LSM12: variants seen among roughly 807,000 people sequenced by gnomAD.
LSM12 encodes LSM12 homolog.
For missense variants in LSM12, 108 were observed against 238.9 expected (o/e 0.45, Z 3.61); for synonymous variants, 74 against 87.3 (o/e 0.85, Z 0.85).
intron 3 of LSM12, among the ~76,000 whole-genome samples, chr17:44,039,637 T>C (rs2049463013): frequency 6.6e-6 from 1 of 151,894 alleles, no homozygotes; most frequent in Non-Finnish European, 1.5e-5. Flanking sequence ...TGCCTCGGCC[T>C]CCCAAAGTGC....
Position 44,035,510 on chromosome 17 carries a change from G to A in LSM12, c.*698C>T, listed in dbSNP as rs2049404467. On this transcript the variant is annotated 3_prime_UTR_variant, in exon 5 of 5. Transcript: ENST00000293406. ...GCCTGGCTATGATGGATGGTGGGGA[G>A]GGCAATACATTTTTATTTTCAGAGG... 1 of 151,716 alleles carries A rather than the reference G, an allele frequency of 6.6e-6. No homozygotes were observed. 9.4% of individuals were successfully genotyped at this position (151,716 alleles called of 1,614,324 possible).
intron 2 of LSM12, among the ~76,000 whole-genome samples, chr17:44,058,042 C>G (rs938423089): frequency 2.0e-5 from 3 of 151,732 alleles, no homozygotes; most frequent in African/African-American, 7.3e-5. Context: ...TGAGACCATC[C>G]TAGCTAACAC....
chr17:44,063,667 TAA>T (rs1262597432), intron 2 of LSM12, 132 bp downstream of exon 2: 2 of 1,068,950 alleles, frequency 1.9e-6, no homozygotes, highest in Middle Eastern at 3.3e-4. Flanking sequence ...CTACATTTTT[TAA>T]AAAGATATCA....
chr17:44,043,674 GAAA>G, intron 2 of LSM12, among the ~76,000 whole-genome samples: 1 of 150,130 alleles, frequency 6.7e-6, no homozygotes, highest in East Asian at 2.0e-4. Context: ...AATGCCTTAA[GAAA>G]ATCTGAAGTC....
chr17:44,037,889 C>T (rs1051478717), intron 3 of LSM12, among the ~76,000 whole-genome samples: 1 of 152,196 alleles, frequency 6.6e-6, no homozygotes, highest in Admixed American at 6.5e-5. Flanking sequence ...GGTCTTGTAA[C>T]AAACATTTTA....
chr17:44,052,481 G>C (rs374592924), intron 2 of LSM12, among the ~76,000 whole-genome samples: 12 of 152,152 alleles, frequency 7.9e-5, no homozygotes, highest in African/African-American at 2.4e-4. Context: ...CAAACAGGCC[G>C]GGTGCGGTGG....
intron 2 of LSM12, among the ~76,000 whole-genome samples, chr17:44,051,854 T>A (rs1005932220): frequency 5.9e-5 from 9 of 151,890 alleles, no homozygotes; most frequent in African/African-American, 2.2e-4. Context: ...ACGCTTATAA[T>A]CCCAGCATTT....
intron 2 of LSM12, 71 bp downstream of exon 2, chr17:44,063,730 T>C: frequency 7.0e-7 from 1 of 1,437,002 alleles, no homozygotes; most frequent in Non-Finnish European, 9.3e-7. Context: ...GACAACAATG[T>C]ATCACTAAGA....
At chr17:44,050,205 T>A (rs2049624621) in intron 2 of LSM12, among the ~76,000 whole-genome samples, 1 of 151,952 alleles carries the variant, frequency 6.6e-6, no homozygotes, top group Admixed American at 6.6e-5. Context: ...GTTCAAGCGA[T>A]TCTCCTGCCT....
chr17:44,050,776 C>T (rs2049632976), intron 2 of LSM12, among the ~76,000 whole-genome samples: 1 of 152,168 alleles, frequency 6.6e-6, no homozygotes, highest in African/African-American at 2.4e-5. Context: ...CCGCTTCAGC[C>T]TCCCAAAGTG....
rs72358942 is a variant in LSM12 at position 44,041,290 on chromosome 17, AACACACACACACACACAC to A, written c.259-1052_259-1035del. Among the ~76,000 whole-genome samples, 27 of 110,466 alleles carry A rather than the reference AACACACACACACACACAC, an allele frequency of 2.4e-4. No individual in the cohort carries two copies. In the South Asian group the frequency reaches 5.1e-3, roughly 21 times the overall value. 72.5% of individuals were successfully genotyped at this position (110,466 alleles called of 152,430 possible). On this transcript the variant is annotated intron_variant, in intron 2 of 4. Transcript: ENST00000293406. ...TGTCTCTTTAAAAAAAAAAAAAACA[AACACACACACACACACAC>A]ACACACACACACACACACACACACA...
chr17:44,039,846 C>G (rs1382726285), intron 3 of LSM12, among the ~76,000 whole-genome samples: 2 of 152,148 alleles, frequency 1.3e-5, no homozygotes, highest in African/African-American at 2.4e-5. Context: ...GAAGAAATCA[C>G]TAGTTCTAAG....
chr17:44,041,826 T>C (rs1302115834), intron 2 of LSM12, among the ~76,000 whole-genome samples: 1 of 152,124 alleles, frequency 6.6e-6, no homozygotes, highest in Non-Finnish European at 1.5e-5. Context: ...CTAGACAAGG[T>C]AGTTAAAACA....
At chr17:44,058,617 G>C (rs914130431) in intron 2 of LSM12, among the ~76,000 whole-genome samples, 1 of 152,166 alleles carries the variant, frequency 6.6e-6, no homozygotes, top group Non-Finnish European at 1.5e-5. Context: ...TGGATCATGA[G>C]GTCAGGAGTT....
intron 2 of LSM12, among the ~76,000 whole-genome samples, chr17:44,058,007 TG>T (rs1285269334): frequency 6.6e-6 from 1 of 150,634 alleles, no homozygotes; most frequent in Non-Finnish European, 1.5e-5. Flanking sequence ...GAGGCTGAGA[TG>T]GGGGGATCAT....
At chr17:44,048,034 C>A (rs2049594090) in intron 2 of LSM12, among the ~76,000 whole-genome samples, 1 of 149,178 alleles carries the variant, frequency 6.7e-6, no homozygotes, top group South Asian at 2.1e-4. Flanking sequence ...CACACACACA[C>A]ACACACACAC....
At chr17:44,041,334 A>AAAAACACAC (rs2049491263) in intron 2 of LSM12, among the ~76,000 whole-genome samples, 1 of 104,546 alleles carries the variant, frequency 9.6e-6, no homozygotes, top group Non-Finnish European at 1.9e-5. Context: ...CACACACACA[A>AAAAACACAC]ACACACACAC....
At chr17:44,037,267 G>T in intron 4 of LSM12, 145 bp downstream of exon 4, 1 of 998,426 alleles carries the variant, frequency 1.0e-6, no homozygotes, top group Non-Finnish European at 1.4e-6. Flanking sequence ...GAACCCCACA[G>T]TACAGGGAAG....
intron 3 of LSM12, among the ~76,000 whole-genome samples, chr17:44,038,616 T>A (rs182435823): frequency 6.6e-6 from 1 of 152,138 alleles, no homozygotes; most frequent in East Asian, 1.9e-4. Flanking sequence ...GATTGCACCA[T>A]TGGACTCCAG....
Sources: gnomAD v4.1 joint callset for allele counts (sites outside exome capture counted in the v4.1 genomes callset) on GRCh38, gnomAD v4.1.1 for gene constraint, MANE v1.5 for transcripts, NCBI Gene and HGNC (gene_info 2026-07-23, HGNC 2026-07-21) for gene names.